TRIM9: variants seen among roughly 807,000 people sequenced by gnomAD.
The protein encoded by TRIM9 is tripartite motif containing 9, also known as E3 ubiquitin-protein ligase TRIM9.
A neutral mutation model predicts 78.3 loss-of-function variants in TRIM9; 26 were observed. The ratio of observed to expected loss-of-function variants is 0.33; its 90% CI spans 0.24 to 0.46. The LOEUF (loss-of-function observed/expected upper bound fraction) is 0.46, where lower values mean the gene tolerates loss of function less well. Among genes scored for constraint, TRIM9 ranks in the 20% least tolerant of loss-of-function variants. TRIM9 has a pLI of 1.00. For missense variants in TRIM9, 787 were observed against 1,036.4 expected (o/e 0.76, Z 3.30); for synonymous variants, 398 against 416.5 (o/e 0.96, Z 0.54).
At position 51,095,028 on chromosome 14, in the gene TRIM9, G is replaced by T; in HGVS notation, c.-89C>A. 2 of 1,007,962 alleles carry T rather than the reference G, an allele frequency of 2.0e-6. No individual in the cohort carries two copies. 62.4% of individuals were successfully genotyped at this position (1,007,962 alleles called of 1,614,324 possible). A position where few individuals can be genotyped will look rare whatever the true frequency, so the allele number is the denominator to read the frequency against. On this transcript the variant is annotated 5_prime_UTR_variant, in exon 1 of 13. Transcript: ENST00000684578. ...ACGGGCCCGTCTTGTCCAGCACCCT[G>T]GCCAGCGGCGGCGGCTGTGGTGGTG...
chr14:51,021,948 C>T (rs1435187240), intron 3 of TRIM9, among the ~76,000 whole-genome samples: 1 of 152,172 alleles, frequency 6.6e-6, no homozygotes, highest in African/African-American at 2.4e-5. Flanking sequence ...AAATCATGCT[C>T]ATTTTCTAGA....
intron 1 of TRIM9, among the ~76,000 whole-genome samples, chr14:51,074,709 G>A (rs2140260016): frequency 6.6e-6 from 1 of 152,294 alleles, no homozygotes; most frequent in Non-Finnish European, 1.5e-5. Flanking sequence ...CCAGTGGGCT[G>A]TTCCGCCCAG....
rs71422010 is a variant in TRIM9, at chr14:50,996,387, C to T, written c.1603+1663G>A. 3,713 of 985,302 alleles carry T rather than the reference C, an allele frequency of 3.8e-3. 7 individuals carry two copies. The highest frequency in any genetic ancestry group is 8.0e-3 in the Admixed American group (131 of 16,274). The allele number at this position is 985,302 out of a possible 1,614,324, so 61.0% of individuals were successfully genotyped here. On this transcript the variant is annotated intron_variant, in intron 7 of 12. Coordinates refer to ENST00000684578, the MANE Select transcript of TRIM9 (RefSeq NM_001387360.1). ...TTATGAACATTAAAATAAACTGAGG[C>T]GCTACATCCTCCTGCAGGATGAAAC...
At chr14:51,082,485 C>G (rs1001935050) in intron 1 of TRIM9, among the ~76,000 whole-genome samples, 1 of 152,154 alleles carries the variant, frequency 6.6e-6, no homozygotes, top group African/African-American at 2.4e-5. Flanking sequence ...ACTTTAAAAA[C>G]ATTATGCGAA....
At chr14:51,063,250 G>C (rs1168122975) in intron 1 of TRIM9, among the ~76,000 whole-genome samples, 2 of 151,980 alleles carry the variant, frequency 1.3e-5, no homozygotes, top group Non-Finnish European at 2.9e-5. Context: ...TACTGGAGTA[G>C]GCGGAATAAA....
intron 7 of TRIM9, 145 bp from the exon 8 acceptor site, chr14:50,986,289 A>T: frequency 1.5e-6 from 1 of 664,604 alleles, no homozygotes. Flanking sequence ...TTACAAAACC[A>T]ATGTGCCTGG....
intron 5 of TRIM9, among the ~76,000 whole-genome samples, chr14:51,001,766 C>T (rs184618668): frequency 1.3e-5 from 2 of 152,172 alleles, no homozygotes; most frequent in African/African-American, 2.4e-5. Flanking sequence ...TCAAAACTTC[C>T]GAGGAACCTG....
chr14:51,094,836 C>A lies in TRIM9; in HGVS notation c.104G>T (p.Arg35Leu). 1 of 1,533,098 alleles carries A rather than the reference C, an allele frequency of 6.5e-7. No individual in the cohort carries two copies. Among genetic ancestry groups the A allele is most frequent in the Non-Finnish European group, 8.7e-7 (1 of 1,145,144 alleles). 95.0% of individuals were successfully genotyped at this position (1,533,098 alleles called of 1,614,324 possible). A position where few individuals can be genotyped will look rare whatever the true frequency, so the allele number is the denominator to read the frequency against. ...CTCTGGGGTCTGCACCAGGATGTTG[C>A]GGGCGCACGCCTGACACAAATTGTG... ...CSHNLCQACA[R>L]NILVQTPESE... The change falls in exon 1 of 13, where the codon CGC becomes CTC. Residue 35 changes from arginine (R) to leucine (L), a missense_variant. Arg to Leu is a moderately radical substitution (Grantham distance 102). Around this residue, in one of 3 missense-constraint regions of TRIM9, gnomAD observed 352 missense variants for 472.3 expected, o/e 0.75. Coordinates refer to ENST00000684578, the MANE Select transcript of TRIM9 (RefSeq NM_001387360.1).
intron 1 of TRIM9, among the ~76,000 whole-genome samples, chr14:51,093,368 C>T (rs2064576788): frequency 6.6e-6 from 1 of 152,194 alleles, no homozygotes; most frequent in Non-Finnish European, 1.5e-5. Flanking sequence ...AGAAGGTTTC[C>T]CTAGGAGATG....
At chr14:51,026,562 TCTC>T (rs1555340102) in intron 1 of TRIM9, among the ~76,000 whole-genome samples, 1 of 152,050 alleles carries the variant, frequency 6.6e-6, no homozygotes, top group Non-Finnish European at 1.5e-5. Context: ...TAAAGCCTAT[TCTC>T]CTTGCCAACA....
chr14:50,982,071 G>A lies in TRIM9; in HGVS notation c.1891C>T (p.His631Tyr). 6.2e-7 allele frequency: 1 copy of A among 1,614,102 alleles called. No individual in the cohort carries two copies. Among genetic ancestry groups the A allele is most frequent in the Non-Finnish European group, 8.5e-7 (1 of 1,179,980 alleles). The change falls in exon 11 of 13, where the codon CAC becomes TAC. Residue 631 changes from histidine (H) to tyrosine (Y), a missense_variant. This residue lies in a region of TRIM9 where 421 missense variants were observed against 514.3 expected (regional missense o/e 0.82). Coordinates refer to ENST00000684578, the MANE Select transcript of TRIM9 (RefSeq NM_001387360.1). ...TCATTGGAGAGGATGATGTCCGAGT[G>A]CGCCGAGCCAGGGTCGAAAGCAAAC... ...AWFAFDPGSA[H>Y]SDIILSNDNL...
intron 1 of TRIM9, among the ~76,000 whole-genome samples, chr14:51,038,023 G>A (rs1334555973): frequency 1.3e-5 from 2 of 152,160 alleles, no homozygotes; most frequent in African/African-American, 4.8e-5. Flanking sequence ...GATGCCGTAG[G>A]CAAAATAATG....
chr14:51,001,881 G>T (rs1288150887), intron 5 of TRIM9, among the ~76,000 whole-genome samples: 2 of 152,162 alleles, frequency 1.3e-5, no homozygotes, highest in East Asian at 3.9e-4. Flanking sequence ...TGGACTAGGG[G>T]CCTGGAGCAT....
chr14:51,095,017 TC>T lies in TRIM9; in HGVS notation c.-79del. On this transcript the variant is annotated 5_prime_UTR_variant, in exon 1 of 13. Transcript: ENST00000684578. The stretch of plus-strand genomic sequence containing the variant: ...CGAGGTGGCCGACGGGCCCGTCTTG[TC>T]CAGCACCCTGGCCAGCGGCGGCGGC... The T allele has an allele frequency of 8.8e-7, 1 of 1,139,880 alleles. No homozygotes were observed. Among genetic ancestry groups the T allele is most frequent in the East Asian group, 2.8e-5 (1 of 35,560 alleles). The allele number at this position is 1,139,880 out of a possible 1,614,324, so 70.6% of individuals were successfully genotyped here.
chr14:51,094,007 TGCATTGCGCCCCCAC>T, intron 1 of TRIM9, 96 bp downstream of exon 1: 1 of 1,100,492 alleles, frequency 9.1e-7, no homozygotes, highest in Non-Finnish European at 1.3e-6. Flanking sequence ...CGAAGGCACC[TGCATTGCGCCCCCAC>T]TGGGATGCGC....
At chr14:50,997,059 T>C (rs1177040323) in intron 7 of TRIM9, 1 of 985,282 alleles carries the variant, frequency 1.0e-6, no homozygotes, top group Non-Finnish European at 1.2e-6. Flanking sequence ...AAAATCAACA[T>C]AATTAGTTCT....
chr14:51,085,191 G>A (rs1023843602), intron 1 of TRIM9, among the ~76,000 whole-genome samples: 2 of 152,170 alleles, frequency 1.3e-5, no homozygotes, highest in African/African-American at 4.8e-5. Context: ...AAGAGGAGAT[G>A]AGCAAAAACC....
intron 3 of TRIM9, among the ~76,000 whole-genome samples, chr14:51,016,555 AG>A (rs1270709916): frequency 1.3e-5 from 2 of 148,898 alleles, no homozygotes; most frequent in African/African-American, 4.9e-5. Flanking sequence ...TGTTATTATT[AG>A]CATATTAATT....
In TRIM9 at chr14:50,983,361, T is replaced by C. The variant is rs992004751; in HGVS notation, c.1834+19A>G. ...CACCAATCACGTAAGTAAAAGATAA[T>C]TACAATAGGTATACTTGCCTAATTG... On this transcript the variant is annotated intron_variant, in intron 9 of 12. Coordinates refer to ENST00000684578, the MANE Select transcript of TRIM9 (RefSeq NM_001387360.1). 6.6e-6 allele frequency: 10 copies of C among 1,523,286 alleles called. No homozygotes were observed. In the Admixed American group the frequency reaches 8.3e-5, roughly 13 times the overall value. The allele number at this position is 1,523,286 out of a possible 1,614,324, so 94.4% of individuals were successfully genotyped here. A position where few individuals can be genotyped will look rare whatever the true frequency, so the allele number is the denominator to read the frequency against.
Sources: allele counts gnomAD v4.1 joint callset (sites outside exome capture counted in the v4.1 genomes callset), GRCh38; gene constraint gnomAD v4.1.1; regional missense constraint gnomAD v4.1.1; transcripts MANE v1.5; gene names NCBI Gene and HGNC (gene_info 2026-07-23, HGNC 2026-07-21).